HPN: variants seen among roughly 807,000 people sequenced by gnomAD.
The protein encoded by HPN is hepsin.
In HPN, 13 loss-of-function variants were observed where a neutral mutation model predicts 55.9. The observed-to-expected ratio is 0.23, with a 90% CI of 0.15 to 0.37. The LOEUF (loss-of-function observed/expected upper bound fraction) is 0.37, where lower values mean the gene tolerates loss of function less well. Ranked by LOEUF, HPN falls within the 10% of genes least tolerant of loss-of-function variation. The pLI is 1.00. For synonymous variants in HPN, 225 were observed against 240.3 expected (o/e 0.94, Z 0.59); for missense variants, 451 against 575.8 (o/e 0.78, Z 2.22).
intron 2 of HPN, among the ~76,000 whole-genome samples, chr19:35,048,077 A>G (rs1340791322): frequency 2.0e-5 from 1 of 49,656 alleles, no homozygotes; most frequent in Non-Finnish European, 3.6e-5. Flanking sequence ...AGAAAGAAAG[A>G]AAGAAAAGGA....
rs1431115793 is a variant in HPN, at chr19:35,060,797, C to T, written c.791C>T (p.Ser264Phe). Residue 264 changes from serine (S) to phenylalanine (F), a missense_variant, in exon 9 of 13, where the codon TCC becomes TTC. Ser to Phe is a radical substitution (Grantham distance 155, BLOSUM62 -2). Coordinates refer to ENST00000672452, the MANE Select transcript of HPN (RefSeq NM_001384133.1). Reference sequence around the variant, plus strand: ...AACGATATTGCCCTGGTCCACCTCTCCAGTCCCCTGCCCCTCACAGGTAAG... The same window carrying T: ...AACGATATTGCCCTGGTCCACCTCTTCAGTCCCCTGCCCCTCACAGGTAAG... ...NSNDIALVHL[S>F]SPLPLTEYIQ... The T allele has an allele frequency of 6.3e-7, 1 of 1,591,298 alleles. No individual in the cohort carries two copies. Among genetic ancestry groups the T allele is most frequent in the South Asian group, 1.2e-5 (1 of 86,536 alleles).
chr19:35,057,714 C>T (rs2151762772), intron 4 of HPN, among the ~76,000 whole-genome samples: 1 of 152,096 alleles, frequency 6.6e-6, no homozygotes, highest in South Asian at 2.1e-4. Flanking sequence ...TTGAACATTG[C>T]TAAAAGATAT....
At chr19:35,051,201 C>T (rs569336088) in intron 4 of HPN, among the ~76,000 whole-genome samples, 1 of 152,272 alleles carries the variant, frequency 6.6e-6, no homozygotes. Context: ...CTCCATCTCC[C>T]AGGTTCAAGT....
rs765687316 is a variant in HPN at position 35,059,663 on chromosome 19, C to T, written c.161-10C>T. 106 of 1,589,588 alleles carry T rather than the reference C, an allele frequency of 6.7e-5. No homozygotes were observed. Among genetic ancestry groups the T allele is most frequent in the Non-Finnish European group, 8.2e-5 (96 of 1,168,872 alleles). On this transcript the variant is annotated splice_polypyrimidine_tract_variant and intron_variant, in intron 4 of 12. Transcript: ENST00000672452. ...GGACCCAGGCGGCCCCGGGCCCTGT[C>T]GCCCTGCAGTGCAGGTCAGCTCTGC...
At chr19:35,043,781 T>C (rs1332714916) in intron 2 of HPN, among the ~76,000 whole-genome samples, 1 of 152,224 alleles carries the variant, frequency 6.6e-6, no homozygotes, top group African/African-American at 2.4e-5. Context: ...GACAATCTCT[T>C]TCCTGGAGCT....
chr19:35,041,992 G>A (rs2064298998), intron 1 of HPN, 120 bp downstream of exon 1: 6 of 1,179,130 alleles, frequency 5.1e-6, no homozygotes, highest in Non-Finnish European at 5.3e-6. Context: ...TGAAGAGGGG[G>A]CACTATGACG....
chr19:35,066,044 G>T lies in HPN; in HGVS notation c.1215+12G>T. On this transcript the variant is annotated intron_variant, in intron 12 of 12. Coordinates refer to ENST00000672452, the MANE Select transcript of HPN (RefSeq NM_001384133.1). ...TCCAGGCCATAAAGGTGAAAGTTGG[G>T]TCCAGATGGGAGCCAGGGTGGGGAC... is the stretch of plus-strand genomic sequence containing the variant. 6.2e-7 allele frequency: 1 copy of T among 1,609,814 alleles called. No homozygotes were observed. The highest frequency in any genetic ancestry group is 8.5e-7 in the Non-Finnish European group (1 of 1,180,024).
intron 4 of HPN, chr19:35,050,374 G>A (rs12463218): frequency 0.43 from 233,935 of 542,444 alleles, 51,577 homozygotes; most frequent in Middle Eastern, 0.51. Context: ...CACCCGCCTC[G>A]GCCTCCCAAA....
Position 35,060,700 on chromosome 19 carries a change from C to G in HPN, c.694C>G (p.Leu232Val). Reference protein sequence around the residue: ...VAQASPHGLQLGVQAVVYHGG... With the variant: ...VAQASPHGLQVGVQAVVYHGG... ...CCAGGCCTCTCCCCACGGTCTGCAG[C>G]TGGGGGTGCAGGCTGTGGTCTACCA... Residue 232 changes from leucine (L) to valine (V), a missense_variant, in exon 9 of 13, where the codon CTG becomes GTG. Leu to Val is a conservative substitution (Grantham distance 32). Transcript: ENST00000672452. 1 of 1,614,214 alleles carries G rather than the reference C, an allele frequency of 6.2e-7. No homozygotes were observed. The highest frequency in any genetic ancestry group is 8.5e-7 in the Non-Finnish European group (1 of 1,180,030).
chr19:35,051,676 T>C (rs2064407026), intron 4 of HPN, among the ~76,000 whole-genome samples: 1 of 123,382 alleles, frequency 8.1e-6, no homozygotes, highest in Non-Finnish European at 1.8e-5. Flanking sequence ...CTACACTTGA[T>C]TGCTTGTTAA....
At chr19:35,043,571 C>A (rs1459578862) in intron 2 of HPN, among the ~76,000 whole-genome samples, 1 of 152,192 alleles carries the variant, frequency 6.6e-6, no homozygotes, top group African/African-American at 2.4e-5. Context: ...GCCTGAAATG[C>A]CAGGATGGGC....
chr19:35,044,971 A>G (rs897807207), intron 2 of HPN, among the ~76,000 whole-genome samples: 5 of 152,052 alleles, frequency 3.3e-5, no homozygotes, highest in South Asian at 2.1e-4. Context: ...GGGGAGGGGA[A>G]TGTTATGCAG....
At chr19:35,057,670 T>A (rs2064469647) in intron 4 of HPN, among the ~76,000 whole-genome samples, 1 of 152,132 alleles carries the variant, frequency 6.6e-6, no homozygotes, top group South Asian at 2.1e-4. Context: ...TTGAACAACA[T>A]GGTGATTATA....
chr19:35,065,696 A>G lies in HPN; in HGVS notation c.1050+15A>G. The G allele has an allele frequency of 6.2e-7, 1 of 1,613,878 alleles. No homozygotes were observed. Among genetic ancestry groups the G allele is most frequent in the Non-Finnish European group, 8.5e-7 (1 of 1,179,950 alleles). ...ATGCCTGCCAGGTGAGGGACTCTGT[A>G]GGGGCAGCCCCCTGGTCGCTGCCAC... is the stretch of plus-strand genomic sequence containing the variant. On this transcript the variant is annotated intron_variant, in intron 11 of 12. Coordinates refer to ENST00000672452, the MANE Select transcript of HPN (RefSeq NM_001384133.1).
chr19:35,059,532 G>T (rs1286252817), intron 4 of HPN, 141 bp from the exon 5 acceptor site: 1 of 1,057,090 alleles, frequency 9.5e-7, no homozygotes, highest in African/African-American at 1.6e-5. Flanking sequence ...CGCAGATGTG[G>T]GGGCTGCAAC....
intron 9 of HPN, among the ~76,000 whole-genome samples, chr19:35,063,562 A>T (rs2064561943): frequency 6.6e-6 from 1 of 152,236 alleles, no homozygotes; most frequent in Non-Finnish European, 1.5e-5. Context: ...CACAAAAATT[A>T]GCCAGGTGTA....
chr19:35,048,801 T>C (rs1315921382), intron 2 of HPN, among the ~76,000 whole-genome samples: 1 of 152,118 alleles, frequency 6.6e-6, no homozygotes, highest in African/African-American at 2.4e-5. Flanking sequence ...ATCTTGCAAC[T>C]GGGTACCATG....
Position 35,065,237 on chromosome 19 carries a change from G to A in HPN, c.812-13G>A, listed in dbSNP as rs895126459. ...GGCCAGCGGGGGCTGGACCAGCATT[G>A]TCTCTCTCACAGAATACATCCAGCC... On this transcript the variant is annotated splice_polypyrimidine_tract_variant and intron_variant, in intron 9 of 12. Transcript: ENST00000672452. The A allele has an allele frequency of 1.9e-6, 3 of 1,603,154 alleles. No individual in the cohort carries two copies. The highest frequency in any genetic ancestry group is 1.7e-5 in the Admixed American group (1 of 59,488).
intron 2 of HPN, among the ~76,000 whole-genome samples, chr19:35,045,038 C>G (rs1285181879): frequency 6.6e-6 from 1 of 151,902 alleles, no homozygotes; most frequent in Non-Finnish European, 1.5e-5. Context: ...GAAGAATATA[C>G]TTGGGGAGAC....
Sources: allele counts gnomAD v4.1 joint callset (sites outside exome capture counted in the v4.1 genomes callset), GRCh38; gene constraint gnomAD v4.1.1; transcripts MANE v1.5; gene names NCBI Gene and HGNC (gene_info 2026-07-23, HGNC 2026-07-21).